The following TOGARAM2 variants were observed in gnomAD, a reference collection of about 807,000 sequenced individuals.
TOGARAM2 encodes TOG array regulator of axonemal microtubules 2.
TOGARAM2 carries 85 observed loss-of-function variants against 93.3 expected under a neutral mutation model. The observed-to-expected ratio is 0.91, with a 90% CI of 0.76 to 1.09. The LOEUF (loss-of-function observed/expected upper bound fraction) is 1.09, where lower values mean the gene tolerates loss of function less well. Ranked by LOEUF, TOGARAM2 falls within the 50% of genes least tolerant of loss-of-function variation. The pLI, the probability that TOGARAM2 is intolerant of heterozygous loss-of-function variation, is 0.00. For synonymous variants in TOGARAM2, 593 were observed against 552.8 expected (o/e 1.07, Z -1.02); for missense variants, 1,277 against 1,334.5 (o/e 0.96, Z 0.67).
chr2:29,044,998 C>T (rs1324094728), intron 18 of TOGARAM2, among the ~76,000 whole-genome samples: 3 of 152,126 alleles, frequency 2.0e-5, no homozygotes, highest in Non-Finnish European at 4.4e-5. Flanking sequence ...CTTCTGTCAT[C>T]TATCTACCTA....
chr2:28,962,998 T>G (rs1671820898), intron 1 of TOGARAM2, among the ~76,000 whole-genome samples: 1 of 150,298 alleles, frequency 6.7e-6, no homozygotes, highest in Admixed American at 6.6e-5. Context: ...AATTTTTAAA[T>G]TTTGTTTTTT....
upstream of TOGARAM2, among the ~76,000 whole-genome samples, chr2:28,978,879 C>T (rs750506842): frequency 3.9e-5 from 6 of 152,056 alleles, no homozygotes; most frequent in Non-Finnish European, 5.9e-5. Flanking sequence ...GACCCTCTTC[C>T]GAGGGTCTGG....
intron 1 of TOGARAM2, among the ~76,000 whole-genome samples, chr2:28,964,760 T>C (rs748556507): frequency 4.6e-5 from 7 of 152,046 alleles, no homozygotes; most frequent in Non-Finnish European, 1.0e-4. Context: ...TGTTCCTGCA[T>C]TGGTTTGCTG....
chr2:29,039,852 A>G (rs191390914), intron 18 of TOGARAM2, among the ~76,000 whole-genome samples: 1 of 152,350 alleles, frequency 6.6e-6, no homozygotes, highest in African/African-American at 2.4e-5. Context: ...GGTTAGTTAC[A>G]GAAGAAACTT....
intron 8 of TOGARAM2, among the ~76,000 whole-genome samples, chr2:29,016,158 A>G (rs551216938): frequency 6.6e-6 from 1 of 152,320 alleles, no homozygotes; most frequent in East Asian, 1.9e-4. Flanking sequence ...CCAGTGGCTC[A>G]GGTCAACCAC....
intron 1 of TOGARAM2, among the ~76,000 whole-genome samples, chr2:28,990,572 T>C (rs1165919782): frequency 1.3e-5 from 2 of 152,194 alleles, no homozygotes; most frequent in Non-Finnish European, 2.9e-5. Flanking sequence ...CCATTCCTCC[T>C]TCCTACCCGT....
chr2:29,048,384 C>T (rs1454563626), intron 19 of TOGARAM2: 1 of 152,124 alleles, frequency 6.6e-6, no homozygotes, highest in Non-Finnish European at 1.5e-5. Context: ...AATGTACCAC[C>T]TTAACCATTT....
At position 29,024,119 on chromosome 2, in the gene TOGARAM2, G is replaced by A. The variant is rs906274599; in HGVS notation, c.1618-20G>A. On this transcript the variant is annotated intron_variant, in intron 12 of 19. Coordinates refer to ENST00000379558, the MANE Select transcript of TOGARAM2 (RefSeq NM_199280.4). ...TTGGCAGGGTCCAGCACCCTGGAGGGCCTCTCTCCTCTCTCCAAGGTCACC... is the reference window on the plus strand; with the variant it reads ...TTGGCAGGGTCCAGCACCCTGGAGGACCTCTCTCCTCTCTCCAAGGTCACC... 1 of 1,554,014 alleles carries A rather than the reference G, an allele frequency of 6.4e-7. No homozygotes were observed.
At chr2:29,043,261 C>T (rs746437651) in intron 18 of TOGARAM2, among the ~76,000 whole-genome samples, 6 of 152,096 alleles carry the variant, frequency 3.9e-5, no homozygotes, top group Admixed American at 2.0e-4. Context: ...GCTTGATTTG[C>T]GGATGGAGCT....
Position 29,017,892 on chromosome 2 carries a change from C to A in TOGARAM2, c.1296C>A (p.Ser432Arg). The A allele has an allele frequency of 6.2e-7, 1 of 1,610,126 alleles. No individual in the cohort carries two copies. Among genetic ancestry groups the A allele is most frequent in the South Asian group, 1.1e-5 (1 of 90,862 alleles). ...GCATCATCCTGAGGAAGTGGGCCAG[C>A]CGGGCCTCCCTGCCCAGCATCCCCA... ...DVSIILRKWA[S>R]RASLPSIPIS... The change falls in exon 10 of 20, where the codon AGC (serine) becomes AGA (arginine). Residue 432 changes from serine to arginine, a missense_variant. By Grantham distance (110) the Ser-to-Arg change is moderately radical (BLOSUM62 -1). Transcript: ENST00000379558.
At chr2:28,970,106 C>T (rs139860884) in intron 1 of TOGARAM2, among the ~76,000 whole-genome samples, 77 of 152,246 alleles carry the variant, frequency 5.1e-4, no homozygotes, top group African/African-American at 1.8e-3. Flanking sequence ...CCACCGTGCC[C>T]GACATCGGTT....
chr2:29,022,666 G>C (rs1665034730), intron 11 of TOGARAM2, among the ~76,000 whole-genome samples: 1 of 152,184 alleles, frequency 6.6e-6, no homozygotes, highest in African/African-American at 2.4e-5. Context: ...AATCTGCTCC[G>C]AGCGCTCCTC....
chr2:29,004,914 AT>A (rs57808511), intron 6 of TOGARAM2, among the ~76,000 whole-genome samples: 19 of 99,894 alleles, frequency 1.9e-4, no homozygotes, highest in East Asian at 6.3e-4. Flanking sequence ...ATGTGTGTGC[AT>A]GTGTACGTGT....
intron 1 of TOGARAM2, among the ~76,000 whole-genome samples, chr2:28,987,028 G>A (rs906251211): frequency 1.2e-4 from 18 of 152,104 alleles, no homozygotes; most frequent in East Asian, 5.8e-4. Context: ...TGCCACCTCC[G>A]TGAACAGAAA....
chr2:29,003,746 G>A, intron 6 of TOGARAM2, 64 bp downstream of exon 6: 1 of 1,344,354 alleles, frequency 7.4e-7, no homozygotes, highest in Non-Finnish European at 9.8e-7. Flanking sequence ...GAGATCCACT[G>A]GGGCTCCTTG....
At chr2:29,018,570 A>C (rs1248074991) in intron 10 of TOGARAM2, 1 of 151,852 alleles carries the variant, frequency 6.6e-6, no homozygotes, top group African/African-American at 2.4e-5. Context: ...CTTGGTTCAG[A>C]GTTTCTGTAA....
At chr2:29,004,700 G>A (rs1044538612) in intron 6 of TOGARAM2, among the ~76,000 whole-genome samples, 2 of 151,698 alleles carry the variant, frequency 1.3e-5, no homozygotes, top group African/African-American at 2.4e-5. Flanking sequence ...GAGTACAAGA[G>A]TGTGTGTGTC....
chr2:29,022,169 C>T lies in TOGARAM2; in HGVS notation c.1372C>T (p.Pro458Ser). Residue 458 changes from proline (P) to serine (S), a missense_variant, in exon 11 of 20, where the codon CCT becomes TCT. Transcript: ENST00000379558. ...TCTTGTGAATGCAGCTAACTCATTA[C>T]CTGCGGTGCTCACGTTGGGGTCTCC... Reference protein sequence around the residue: ...FARHASANSLPAVLTLGSPEW... With the variant: ...FARHASANSLSAVLTLGSPEW... The T allele has an allele frequency of 6.2e-7, 1 of 1,614,024 alleles. No individual in the cohort carries two copies.
rs541538467 is a variant in TOGARAM2, at chr2:29,045,649, T to G, written c.2722+239T>G. 1.5e-4 allele frequency: 79 copies of G among 519,494 alleles called. No individual in the cohort carries two copies. Among genetic ancestry groups the G allele is most frequent in the Non-Finnish European group, 2.6e-4 (74 of 287,434 alleles). The allele number at this position is 519,494 out of a possible 1,614,324, so 32.2% of individuals were successfully genotyped here. ...AAGCAAAAGTGTTTTTAAAAAACTG[T>G]TACAGGTTGAATCTCCCTAATCAGA... On this transcript the variant is annotated intron_variant, in intron 19 of 19. Coordinates refer to ENST00000379558, the MANE Select transcript of TOGARAM2 (RefSeq NM_199280.4).
Sources: gnomAD v4.1 joint callset for allele counts (sites outside exome capture counted in the v4.1 genomes callset) on GRCh38, gnomAD v4.1.1 for gene constraint, MANE v1.5 for transcripts, NCBI Gene and HGNC (gene_info 2026-07-23, HGNC 2026-07-21) for gene names.